The following GRM5 variants were observed in gnomAD, a reference collection of about 807,000 sequenced individuals.
GRM5 encodes metabotropic glutamate receptor 5.
Under a neutral mutation model 83.1 loss-of-function variants are expected in GRM5, and 19 were observed. The ratio of observed to expected loss-of-function variants is 0.23; its 90% CI spans 0.16 to 0.34. The LOEUF (loss-of-function observed/expected upper bound fraction) is 0.34, where lower values mean the gene tolerates loss of function less well. Among genes scored for constraint, GRM5 ranks in the 10% least tolerant of loss-of-function variants. The pLI, the probability that GRM5 is intolerant of heterozygous loss-of-function variation, is 1.00. For missense variants in GRM5, 1,160 were observed against 1,588.3 expected, an observed-to-expected ratio of 0.73 and a Z score of 4.58; for synonymous variants, 675 against 633.6, an observed-to-expected ratio of 1.07 and a Z score of -0.98.
intron 8 of GRM5, among the ~76,000 whole-genome samples, 163 bp downstream of exon 8, chr11:88,566,890 T>C (rs1207224564): frequency 2.0e-5 from 3 of 152,116 alleles, no homozygotes; most frequent in East Asian, 1.9e-4. Flanking sequence ...CCACATCCCA[T>C]TAACCCCATA....
chr11:88,859,042 CT>C (rs1237729063), intron 2 of GRM5, among the ~76,000 whole-genome samples: 2 of 151,864 alleles, frequency 1.3e-5, no homozygotes, highest in Non-Finnish European at 2.9e-5. Context: ...ATAATATATT[CT>C]TATGGAAATC....
intron 3 of GRM5, among the ~76,000 whole-genome samples, chr11:88,774,773 C>A (rs913859616): frequency 1.3e-5 from 2 of 152,176 alleles, no homozygotes; most frequent in Non-Finnish European, 1.5e-5. Flanking sequence ...GTTGAAGCAG[C>A]CTTGCATCTC....
At chr11:88,984,803 T>C (rs755769483) in intron 2 of GRM5, 15 of 738,834 alleles carry the variant, frequency 2.0e-5, no homozygotes, top group South Asian at 1.4e-4. Flanking sequence ...CACTTGGATG[T>C]TTTCATTTTC....
chr11:88,693,618 G>T (rs1035414895), intron 3 of GRM5, among the ~76,000 whole-genome samples: 1 of 152,196 alleles, frequency 6.6e-6, no homozygotes, highest in Non-Finnish European at 1.5e-5. Flanking sequence ...GGTACTAGGA[G>T]ACTGGGCTCA....
rs1336503790 is a variant in GRM5 at position 88,842,707 on chromosome 11, C to A, written c.911+7199G>T. 3.3e-5 allele frequency among the ~76,000 whole-genome samples: 5 copies of A among 151,976 alleles called. No individual in the cohort carries two copies. The East Asian group carries it at 9.7e-4, about 29-fold the overall frequency. ...TTTAGAGTTCATCTTTTTTTTTCAACCTAAATGCTGAGGTCCCTCAAAGAT... is the reference window on the plus strand; with the variant it reads ...TTTAGAGTTCATCTTTTTTTTTCAAACTAAATGCTGAGGTCCCTCAAAGAT... On this transcript the variant is annotated intron_variant, in intron 3 of 9. Transcript: ENST00000305447.
chr11:88,691,126 A>T (rs535364661), intron 3 of GRM5, among the ~76,000 whole-genome samples: 29 of 152,338 alleles, frequency 1.9e-4, no homozygotes, highest in African/African-American at 6.7e-4. Context: ...TGGGCTGGGA[A>T]GAGGGCTGGA....
At chr11:88,944,111 T>A (rs1938198387) in intron 2 of GRM5, among the ~76,000 whole-genome samples, 1 of 152,048 alleles carries the variant, frequency 6.6e-6, no homozygotes, top group Non-Finnish European at 1.5e-5. Flanking sequence ...GTTGTTGCTA[T>A]GACCTCATGA....
chr11:88,753,020 G>T (rs886704896), intron 3 of GRM5, among the ~76,000 whole-genome samples: 2 of 152,110 alleles, frequency 1.3e-5, no homozygotes, highest in African/African-American at 4.8e-5. Context: ...AAACATCTAG[G>T]CAATACCATT....
intron 3 of GRM5, among the ~76,000 whole-genome samples, chr11:88,708,885 G>A (rs755449012): frequency 2.0e-5 from 3 of 152,056 alleles, no homozygotes; most frequent in Non-Finnish European, 4.4e-5. Flanking sequence ...ATACGAACCA[G>A]ACATTGTGGT....
intron 3 of GRM5, among the ~76,000 whole-genome samples, chr11:88,741,711 A>G (rs954267966): frequency 1.3e-5 from 2 of 151,694 alleles, no homozygotes; most frequent in Non-Finnish European, 3.0e-5. Context: ...ATACTATACT[A>G]ATCTATACTA....
intron 3 of GRM5, among the ~76,000 whole-genome samples, chr11:88,841,068 A>G (rs1944191592): frequency 6.6e-6 from 1 of 152,196 alleles, no homozygotes. Flanking sequence ...TGATCATAAT[A>G]AACCTGACTG....
Position 88,722,303 on chromosome 11 carries a change from C to A in GRM5, c.912-68900G>T, listed in dbSNP as rs1941562629. On this transcript the variant is annotated intron_variant, in intron 3 of 9. Coordinates refer to ENST00000305447, the MANE Select transcript of GRM5 (RefSeq NM_001143831.3). ...ATCACTGTAAGGATGCCCTGATGACCTGGTGTGAAATCTGCCTCCAACCAT... is the reference window on the plus strand; with the variant it reads ...ATCACTGTAAGGATGCCCTGATGACATGGTGTGAAATCTGCCTCCAACCAT... Among the ~76,000 whole-genome samples the A allele has an allele frequency of 2.6e-5, 4 of 152,064 alleles. No homozygotes were observed. In the South Asian group the frequency reaches 8.3e-4, roughly 31 times the overall value.
In GRM5 at chr11:88,954,536, G is replaced by C. The variant is rs1429107993; in HGVS notation, c.661+92676C>G. ...AGGTCTAACATGAGAGCCCAGCACT[G>C]CTCAATAGAACTTTCTGCAGTGATA... is the stretch of plus-strand genomic sequence containing the variant. On this transcript the variant is annotated intron_variant, in intron 2 of 9. Transcript: ENST00000305447. Among the ~76,000 whole-genome samples the C allele has an allele frequency of 2.6e-5, 4 of 152,204 alleles. No homozygotes were observed. The East Asian group carries it at 7.7e-4, about 29-fold the overall frequency.
intron 2 of GRM5, among the ~76,000 whole-genome samples, chr11:88,875,193 G>C (rs1944831357): frequency 6.6e-6 from 1 of 151,570 alleles, no homozygotes; most frequent in Non-Finnish European, 1.5e-5. Flanking sequence ...AAACCCTGCT[G>C]CTGCTTTATT....
At chr11:88,682,547 C>T (rs760015625) in intron 3 of GRM5, among the ~76,000 whole-genome samples, 1 of 152,068 alleles carries the variant, frequency 6.6e-6, no homozygotes, top group Admixed American at 6.6e-5. Context: ...ATCAGTTACT[C>T]AGCAACTGAA....
At chr11:89,039,081 T>C (rs1256332427) in intron 2 of GRM5, among the ~76,000 whole-genome samples, 2 of 151,948 alleles carry the variant, frequency 1.3e-5, no homozygotes, top group Non-Finnish European at 2.9e-5. Flanking sequence ...CTGACTAACA[T>C]GGTGAAACCC....
At chr11:88,612,920 T>G (rs1938366118) in intron 4 of GRM5, 1 of 152,250 alleles carries the variant, frequency 6.6e-6, no homozygotes, top group Admixed American at 6.5e-5. Context: ...ACTCAAAGAA[T>G]TTTTTGATTT....
At chr11:88,814,007 A>C (rs965800050) in intron 3 of GRM5, among the ~76,000 whole-genome samples, 4 of 152,180 alleles carry the variant, frequency 2.6e-5, no homozygotes, top group Non-Finnish European at 4.4e-5. Context: ...ATTGGATGTA[A>C]TAGTACTTTT....
At chr11:88,705,102 T>C (rs1941124131) in intron 3 of GRM5, among the ~76,000 whole-genome samples, 2 of 152,186 alleles carry the variant, frequency 1.3e-5, no homozygotes, top group Non-Finnish European at 2.9e-5. Context: ...GGTAAGACAG[T>C]TAACACAATA....
Sources: allele counts gnomAD v4.1 joint callset (sites outside exome capture counted in the v4.1 genomes callset), GRCh38; gene constraint gnomAD v4.1.1; transcripts MANE v1.5; gene names NCBI Gene and HGNC (gene_info 2026-07-23, HGNC 2026-07-21).